SCD5: variants seen among roughly 807,000 people sequenced by gnomAD.
SCD5 encodes stearoyl-CoA desaturase 5, also known as acyl-CoA-desaturase 4.
A neutral mutation model predicts 30.4 loss-of-function variants in SCD5; 20 were observed. The ratio of observed to expected loss-of-function variants is 0.66; its 90% CI spans 0.46 to 0.96. The LOEUF (loss-of-function observed/expected upper bound fraction) is 0.96. SCD5 is among the 40% of genes least tolerant of loss of function. SCD5 has a pLI of 0.00. For missense variants in SCD5, 381 were observed against 443.3 expected (o/e 0.86, Z 1.26); for synonymous variants, 173 against 176.4 (o/e 0.98, Z 0.16).
chr4:82,728,737 A>G (rs1720562091), intron 1 of SCD5, among the ~76,000 whole-genome samples: 1 of 151,814 alleles, frequency 6.6e-6, no homozygotes, highest in African/African-American at 2.4e-5. Flanking sequence ...GCCCATAAAA[A>G]CCCTAATCTC....
At chr4:82,793,030 G>A (rs1239811528) in intron 1 of SCD5, among the ~76,000 whole-genome samples, 1 of 152,142 alleles carries the variant, frequency 6.6e-6, no homozygotes, top group Non-Finnish European at 1.5e-5. Context: ...CTATTCTTTC[G>A]GGTCTAGCTG....
At chr4:82,796,331 G>A (rs1204627669) in intron 1 of SCD5, among the ~76,000 whole-genome samples, 1 of 152,088 alleles carries the variant, frequency 6.6e-6, no homozygotes, top group Non-Finnish European at 1.5e-5. Context: ...ATCCAGGAAG[G>A]TATGGAATGG....
chr4:82,693,494 C>CA (rs1489314900), intron 2 of SCD5, among the ~76,000 whole-genome samples: 3 of 152,154 alleles, frequency 2.0e-5, no homozygotes, highest in Non-Finnish European at 4.4e-5. Context: ...CTTCCTGATT[C>CA]AATGCTTGCC....
intron 3 of SCD5, among the ~76,000 whole-genome samples, chr4:82,670,635 TCAATTCCATATCAATTC>T: frequency 2.0e-5 from 3 of 151,744 alleles, no homozygotes; most frequent in Non-Finnish European, 2.9e-5. Flanking sequence ...ATATGGAATA[TCAATTCCATATCAATTC>T]CATATCAATT....
chr4:82,743,574 G>A (rs1406601345), intron 1 of SCD5, among the ~76,000 whole-genome samples: 1 of 152,054 alleles, frequency 6.6e-6, no homozygotes, highest in Non-Finnish European at 1.5e-5. Flanking sequence ...AGGCTGGAGT[G>A]CAGTCGTGCA....
chr4:82,679,257 A>G (rs1206307317), intron 3 of SCD5, among the ~76,000 whole-genome samples: 1 of 111,962 alleles, frequency 8.9e-6, no homozygotes, highest in Non-Finnish European at 1.9e-5. Context: ...AGAAAGAAAG[A>G]AAGAAGGAAG....
chr4:82,700,145 A>C lies in SCD5; in HGVS notation c.363+5138T>G, dbSNP rs577620201. 2.0e-5 allele frequency among the ~76,000 whole-genome samples: 3 copies of C among 152,140 alleles called. No individual in the cohort carries two copies. The East Asian group carries it at 5.9e-4, about 30-fold the overall frequency. ...GGCATGAGAATCTCTTGAACCTGGG[A>C]GGCGGAGGTTGCAGTGAGTCGAGAT... On this transcript the variant is annotated intron_variant, in intron 2 of 4. Coordinates refer to ENST00000319540, the MANE Select transcript of SCD5 (RefSeq NM_001037582.3).
At chr4:82,732,350 A>G (rs553598054) in intron 1 of SCD5, among the ~76,000 whole-genome samples, 1 of 152,312 alleles carries the variant, frequency 6.6e-6, no homozygotes, top group East Asian at 1.9e-4. Flanking sequence ...TTGGCCTCCC[A>G]AAGTGCTTGG....
chr4:82,747,288 T>C (rs1436641873), intron 1 of SCD5, among the ~76,000 whole-genome samples: 1 of 152,244 alleles, frequency 6.6e-6, no homozygotes, highest in Non-Finnish European at 1.5e-5. Flanking sequence ...GGATAGATGA[T>C]ATTCATTAGA....
chr4:82,663,454 A>T (rs1357186839), intron 3 of SCD5, among the ~76,000 whole-genome samples: 1 of 152,174 alleles, frequency 6.6e-6, no homozygotes, highest in African/African-American at 2.4e-5. Flanking sequence ...CCACATAGAC[A>T]TGCAGGAGCT....
intron 1 of SCD5, among the ~76,000 whole-genome samples, chr4:82,790,495 A>G (rs997087314): frequency 6.6e-6 from 1 of 151,980 alleles, no homozygotes; most frequent in East Asian, 1.9e-4. Flanking sequence ...ATGCCAGCTC[A>G]CCCAGCCTCT....
At chr4:82,784,869 G>A (rs1324157139) in intron 1 of SCD5, among the ~76,000 whole-genome samples, 1 of 152,182 alleles carries the variant, frequency 6.6e-6, no homozygotes, top group Admixed American at 6.5e-5. Context: ...CCCTGCAGCT[G>A]GGCCAGGCAA....
At chr4:82,712,279 T>TACATACATATATATATATATACAC (rs1560540801) in intron 1 of SCD5, among the ~76,000 whole-genome samples, 2 of 50,540 alleles carry the variant, frequency 4.0e-5, no homozygotes, top group Non-Finnish European at 7.0e-5. Context: ...TATATATATA[T>TACATACATATATATATATATACAC]ATATATATAT....
intron 3 of SCD5, among the ~76,000 whole-genome samples, chr4:82,647,895 T>C (rs937765884): frequency 5.3e-5 from 8 of 152,110 alleles, no homozygotes; most frequent in African/African-American, 1.7e-4. Flanking sequence ...AAATTGTATA[T>C]GGAAATCATT....
chr4:82,649,180 GGTGTGTGTGTGTGT>G (rs55991339), intron 3 of SCD5, among the ~76,000 whole-genome samples: 23 of 144,120 alleles, frequency 1.6e-4, no homozygotes, highest in South Asian at 4.5e-4. Context: ...GGGTGAGAGG[GGTGTGTGTGTGTGT>G]GTGTGTGTGT....
intron 3 of SCD5, among the ~76,000 whole-genome samples, chr4:82,650,591 G>T (rs1369421911): frequency 2.0e-5 from 3 of 152,144 alleles, no homozygotes; most frequent in Non-Finnish European, 4.4e-5. Context: ...AGCTATTCTG[G>T]AGGCTGAGGC....
chr4:82,657,425 T>A (rs1021263827), intron 3 of SCD5, among the ~76,000 whole-genome samples: 2 of 152,198 alleles, frequency 1.3e-5, no homozygotes, highest in African/African-American at 2.4e-5. Context: ...GTGGCATTAT[T>A]TCTGAGGCTT....
In SCD5 at chr4:82,718,072, CTTTT is replaced by C. The variant is rs113602410; in HGVS notation, c.233-12663_233-12660del. 7.7e-3 allele frequency among the ~76,000 whole-genome samples: 1,083 copies of C among 141,010 alleles called. 36 individuals carry two copies. The highest frequency in any genetic ancestry group is 0.021 in the African/African-American group (772 of 37,184). 92.5% of individuals were successfully genotyped at this position (141,010 alleles called of 152,430 possible). On this transcript the variant is annotated intron_variant, in intron 1 of 4. Coordinates refer to ENST00000319540, the MANE Select transcript of SCD5 (RefSeq NM_001037582.3). ...CTGAGTAGTTATGGGTCATTATCAC[CTTTT>C]TTTTTTAAAAAAAAAAAAAGCAATC...
At chr4:82,657,059 C>T (rs1388072079) in intron 3 of SCD5, among the ~76,000 whole-genome samples, 1 of 152,146 alleles carries the variant, frequency 6.6e-6, no homozygotes, top group African/African-American at 2.4e-5. Context: ...CCTGTTCACT[C>T]TGATGATAGT....
Sources: allele counts gnomAD v4.1 joint callset (sites outside exome capture counted in the v4.1 genomes callset), GRCh38; gene constraint gnomAD v4.1.1; transcripts MANE v1.5; gene names NCBI Gene and HGNC (gene_info 2026-07-23, HGNC 2026-07-21).